Variants in PDZRN3 observed in about 807,000 individuals in gnomAD.
PDZRN3 encodes the protein PDZ domain containing ring finger 3.
Under a neutral mutation model 85.7 loss-of-function variants are expected in PDZRN3, and 38 were observed. The observed-to-expected ratio is 0.44, with a 90% confidence interval of 0.34 to 0.58. The LOEUF (loss-of-function observed/expected upper bound fraction) is 0.58. Ranked by LOEUF, PDZRN3 falls within the 20% of genes least tolerant of loss-of-function variation. The probability of loss-of-function intolerance (pLI) is 0.01; values close to 1 mark genes in which losing one functional copy is unlikely to be tolerated. For missense variants in PDZRN3, 1,629 were observed against 1,506.4 expected (o/e 1.08, Z -1.35); for synonymous variants, 759 against 638.0 (o/e 1.19, Z -2.86).
At chr3:73,613,846 C>G (rs1345468041) in intron 1 of PDZRN3, among the ~76,000 whole-genome samples, 1 of 152,068 alleles carries the variant, frequency 6.6e-6, no homozygotes, top group Non-Finnish European at 1.5e-5. Context: ...AGCCCCCACC[C>G]AAACCCAATT....
intron 3 of PDZRN3, among the ~76,000 whole-genome samples, chr3:73,405,923 G>A (rs1701845536): frequency 6.6e-6 from 1 of 152,148 alleles, no homozygotes; most frequent in African/African-American, 2.4e-5. Context: ...CTCTGGCCCT[G>A]TAGGGACAAC....
At chr3:73,455,182 C>A (rs1168460404) in intron 3 of PDZRN3, among the ~76,000 whole-genome samples, 1 of 152,176 alleles carries the variant, frequency 6.6e-6, no homozygotes, top group East Asian at 1.9e-4. Context: ...TTCAGATCAA[C>A]ATCATCATCA....
intron 7 of PDZRN3, 45 bp from the exon 8 acceptor site, chr3:73,388,114 G>T: frequency 1.1e-6 from 1 of 932,474 alleles, no homozygotes; most frequent in East Asian, 2.5e-5. Flanking sequence ...GAGACAAATA[G>T]CATGATTAGA....
chr3:73,419,188 C>CAATT (rs1702149817), intron 3 of PDZRN3, among the ~76,000 whole-genome samples: 1 of 152,046 alleles, frequency 6.6e-6, no homozygotes, highest in Non-Finnish European at 1.5e-5. Flanking sequence ...CTTGATAATG[C>CAATT]AATTAGAACT....
intron 3 of PDZRN3, among the ~76,000 whole-genome samples, chr3:73,469,350 C>T (rs9836295): frequency 0.012 from 1,872 of 152,252 alleles, 43 homozygotes; most frequent in African/African-American, 0.043. Context: ...GGATTACAGG[C>T]GTGAGCCACC....
intron 3 of PDZRN3, among the ~76,000 whole-genome samples, chr3:73,492,269 G>A (rs147212322): frequency 6.6e-6 from 1 of 152,286 alleles, no homozygotes; most frequent in African/African-American, 2.4e-5. Flanking sequence ...AAATGTGGAT[G>A]TGCAGGCAGC....
At chr3:73,584,202 A>G (rs2106870857) in intron 3 of PDZRN3, among the ~76,000 whole-genome samples, 1 of 152,162 alleles carries the variant, frequency 6.6e-6, no homozygotes, top group Non-Finnish European at 1.5e-5. Flanking sequence ...GCTCTTAATG[A>G]GCAGAATCTG....
At chr3:73,443,152 G>A (rs944578791) in intron 3 of PDZRN3, among the ~76,000 whole-genome samples, 18 of 152,104 alleles carry the variant, frequency 1.2e-4, no homozygotes, top group Non-Finnish European at 2.4e-4. Context: ...ATTCATTCAC[G>A]CCTCCGTATT....
intron 3 of PDZRN3, among the ~76,000 whole-genome samples, chr3:73,547,395 C>T (rs2106795689): frequency 6.6e-6 from 1 of 152,322 alleles, no homozygotes; most frequent in Non-Finnish European, 1.5e-5. Context: ...TTGTGGGTGC[C>T]TCTGTCATGG....
intron 3 of PDZRN3, among the ~76,000 whole-genome samples, chr3:73,506,592 T>C (rs1704073409): frequency 6.6e-6 from 1 of 151,982 alleles, no homozygotes; most frequent in Non-Finnish European, 1.5e-5. Flanking sequence ...AAAATAACCC[T>C]GTATTATGGA....
intron 3 of PDZRN3, among the ~76,000 whole-genome samples, chr3:73,592,840 A>G (rs760368479): frequency 3.3e-5 from 5 of 152,114 alleles, no homozygotes; most frequent in Non-Finnish European, 5.9e-5. Context: ...TGCAATTACC[A>G]TTGACAATTT....
chr3:73,584,934 C>G (rs1702257322), intron 3 of PDZRN3, among the ~76,000 whole-genome samples: 2 of 152,156 alleles, frequency 1.3e-5, no homozygotes, highest in Admixed American at 1.3e-4. Flanking sequence ...GACAAAGAAA[C>G]TGCACTGGTT....
intron 1 of PDZRN3, among the ~76,000 whole-genome samples, chr3:73,612,099 G>T (rs1291024071): frequency 2.0e-5 from 3 of 150,090 alleles, no homozygotes; most frequent in African/African-American, 7.6e-5. Context: ...CCCATGATTT[G>T]CAATGGTCTC....
At chr3:73,444,516 GT>G (rs897261437) in intron 3 of PDZRN3, among the ~76,000 whole-genome samples, 1 of 152,180 alleles carries the variant, frequency 6.6e-6, no homozygotes, top group African/African-American at 2.4e-5. Flanking sequence ...CTTCATTACC[GT>G]GATTAATCAA....
chr3:73,430,534 T>C (rs575835968), intron 3 of PDZRN3, among the ~76,000 whole-genome samples: 1 of 152,288 alleles, frequency 6.6e-6, no homozygotes, highest in East Asian at 1.9e-4. Flanking sequence ...CTTCCTGGCC[T>C]CCATTGGAAG....
rs74828009 is a variant in PDZRN3, at chr3:73,612,645, C to T, written c.724-3961G>A. On this transcript the variant is annotated intron_variant, in intron 1 of 9. Coordinates refer to ENST00000263666, the MANE Select transcript of PDZRN3 (RefSeq NM_015009.3). ...ACATTCTTTGCAAGATGCTGTCTGG[C>T]TGAGAAATGTGTTTTGGGCATTGTC... 1.9e-3 allele frequency among the ~76,000 whole-genome samples: 294 copies of T among 152,288 alleles called. 2 individuals carry two copies. The highest frequency in any genetic ancestry group is 6.5e-3 in the African/African-American group (268 of 41,550).
intron 3 of PDZRN3, among the ~76,000 whole-genome samples, chr3:73,443,595 C>T (rs1001583577): frequency 2.7e-5 from 4 of 150,396 alleles, no homozygotes; most frequent in African/African-American, 1.0e-4. Context: ...AAGCTATCCT[C>T]CTGCCTCAGC....
At chr3:73,420,396 C>T (rs1702175256) in intron 3 of PDZRN3, among the ~76,000 whole-genome samples, 2 of 152,228 alleles carry the variant, frequency 1.3e-5, no homozygotes, top group African/African-American at 4.8e-5. Context: ...GCAGTCCTGC[C>T]AGTGGATGCC....
intron 1 of PDZRN3, among the ~76,000 whole-genome samples, chr3:73,616,123 T>C (rs1283703166): frequency 3.9e-5 from 6 of 152,190 alleles, no homozygotes; most frequent in Non-Finnish European, 8.8e-5. Context: ...CTCCTTTCTC[T>C]CCATGTAATC....
Sources: allele counts gnomAD v4.1 joint callset (sites outside exome capture counted in the v4.1 genomes callset), GRCh38; gene constraint gnomAD v4.1.1; transcripts MANE v1.5; gene names NCBI Gene and HGNC (gene_info 2026-07-23, HGNC 2026-07-21).